The following TSPYL5 variants were observed in gnomAD, a reference collection of about 807,000 sequenced individuals.
TSPYL5 encodes testis-specific Y-encoded-like protein 5.
For synonymous variants in TSPYL5, 276 were observed against 236.1 expected (o/e 1.17, Z -1.55); for missense variants, 556 against 555.5 (o/e 1.00, Z -0.01).
At position 97,277,686 on chromosome 8, in the gene TSPYL5, C is replaced by T. The variant is rs1339215183; in HGVS notation, c.159G>A (p.Val53=). 3.2e-6 allele frequency: 5 copies of T among 1,541,238 alleles called. No homozygotes were observed. The African/African-American group carries it at 5.7e-5, about 18-fold the overall frequency. ...SLGEDTQAAQ[V]QAGAGWGGLE... ...GGCCACCCCACCCCGCGCCAGCCTGCACCTGTGCCGCCTGGGTGTCTTCCC... is the reference window on the plus strand; with the variant it reads ...GGCCACCCCACCCCGCGCCAGCCTGTACCTGTGCCGCCTGGGTGTCTTCCC... Residue 53 remains valine (V), a synonymous_variant, in exon 1 of 1, where the codon GTG becomes GTA. Transcript: ENST00000322128. The surrounding 1 kb of genome is among the most constrained non-coding windows in gnomAD (Gnocchi z 4.5).
Position 97,277,531 on chromosome 8 carries a change from C to T in TSPYL5, c.314G>A (p.Gly105Asp). The change falls in exon 1 of 1, where the codon GGC (glycine) becomes GAC (aspartate). Residue 105 changes from glycine (G) to aspartate (D), a missense_variant. Coordinates refer to ENST00000322128, the MANE Select transcript of TSPYL5 (RefSeq NM_033512.3). This position sits in a 1 kb window ranked among gnomAD's most constrained non-coding sequence, Gnocchi z 4.5. ...GDHGQAAARP[G>D]PGKAASLSER... is the part of the protein sequence containing the mutation. ...CGAGAGAGATGCGGCCTTCCCCGGG[C>T]CGGGCCTGGCCGCGGCCTGCCCGTG... 6.7e-7 allele frequency: 1 copy of T among 1,496,798 alleles called. No individual in the cohort carries two copies. The highest frequency in any genetic ancestry group is 8.9e-7 in the Non-Finnish European group (1 of 1,127,722). 92.7% of individuals were successfully genotyped at this position (1,496,798 alleles called of 1,614,324 possible).
Position 97,277,654 on chromosome 8 carries a change from G to C in TSPYL5, c.191C>G (p.Ala64Gly), listed in dbSNP as rs764681946. Residue 64 changes from alanine (A) to glycine (G), a missense_variant, in exon 1 of 1, where the codon GCC (alanine) becomes GGC (glycine). Ala to Gly is a moderately conservative substitution (Grantham distance 60, BLOSUM62 0). Transcript: ENST00000322128. The surrounding 1 kb of genome is among the most constrained non-coding windows in gnomAD (Gnocchi z 4.5). ...QAGAGWGGLE[A>G]AASAQLLRLG... ...CCGGAGGAGCTGCGCGGACGCAGCG[G>C]CTTCCAGGCCACCCCACCCCGCGCC... The C allele has an allele frequency of 4.1e-6, 6 of 1,471,536 alleles. 1 individual carries two copies. Among genetic ancestry groups the C allele is most frequent in the Middle Eastern group, 3.5e-4 (2 of 5,648 alleles). 91.2% of individuals were successfully genotyped at this position (1,471,536 alleles called of 1,614,324 possible). A position where few individuals can be genotyped will look rare whatever the true frequency, so the allele number is the denominator to read the frequency against.
At position 97,277,791 on chromosome 8, in the gene TSPYL5, T is replaced by A; in HGVS notation, c.54A>T (p.Lys18Asn). 6.7e-7 allele frequency: 1 copy of A among 1,484,902 alleles called. No homozygotes were observed. Among genetic ancestry groups the A allele is most frequent in the South Asian group, 1.4e-5 (1 of 73,956 alleles). 92.0% of individuals were successfully genotyped at this position (1,484,902 alleles called of 1,614,324 possible). A position where few individuals can be genotyped will look rare whatever the true frequency, so the allele number is the denominator to read the frequency against. ...GGCGGACTCGGGCTTTGGCGCGGCC[T>A]TTGCCCCGGTTTTTGGCGCGGGAGG... ...RKSSRAKNRG[K>N]GRAKARVRPA... is the part of the protein sequence containing the mutation. The change falls in exon 1 of 1, where the codon AAA (lysine) becomes AAT (asparagine). Residue 18 changes from lysine to asparagine, a missense_variant. Coordinates refer to ENST00000322128, the MANE Select transcript of TSPYL5 (RefSeq NM_033512.3). The surrounding 1 kb of genome is among the most constrained non-coding windows in gnomAD (Gnocchi z 4.5).
Position 97,277,663 on chromosome 8 carries a change from C to G in TSPYL5, c.182G>C (p.Gly61Ala). ...CTGCGCGGACGCAGCGGCTTCCAGG[C>G]CACCCCACCCCGCGCCAGCCTGCAC... ...AQVQAGAGWG[G>A]LEAAASAQLL... Residue 61 changes from glycine to alanine, a missense_variant, in exon 1 of 1, where the codon GGC becomes GCC. By Grantham distance (60) the Gly-to-Ala change is moderately conservative. Coordinates refer to ENST00000322128, the MANE Select transcript of TSPYL5 (RefSeq NM_033512.3). The surrounding 1 kb of genome is among the most constrained non-coding windows in gnomAD (Gnocchi z 4.5). 1.4e-6 allele frequency: 2 copies of G among 1,475,472 alleles called. No individual in the cohort carries two copies. Among genetic ancestry groups the G allele is most frequent in the Non-Finnish European group, 1.8e-6 (2 of 1,119,322 alleles). 91.4% of individuals were successfully genotyped at this position (1,475,472 alleles called of 1,614,324 possible).
chr8:97,276,918 G>A lies in TSPYL5; in HGVS notation c.927C>T (p.Leu309=). The change falls in exon 1 of 1, where the codon CTC becomes CTT. Residue 309 remains leucine, a synonymous_variant. Coordinates refer to ENST00000322128, the MANE Select transcript of TSPYL5 (RefSeq NM_033512.3). ...DRNPYFQNKV[L]IKEYGCGPSG... The stretch of plus-strand genomic sequence containing the variant: ...AAGGACCACACCCATATTCCTTGAT[G>A]AGCACCTTATTTTGGAAATACGGGT... 1 of 1,614,176 alleles carries A rather than the reference G, an allele frequency of 6.2e-7. No individual in the cohort carries two copies. The highest frequency in any genetic ancestry group is 8.5e-7 in the Non-Finnish European group (1 of 1,180,046).
Position 97,277,181 on chromosome 8 carries a change from C to A in TSPYL5, c.664G>T (p.Ala222Ser). The A allele has an allele frequency of 6.2e-7, 1 of 1,612,182 alleles. No homozygotes were observed. Among genetic ancestry groups the A allele is most frequent in the Non-Finnish European group, 8.5e-7 (1 of 1,180,024 alleles). The stretch of plus-strand genomic sequence containing the variant: ...AACTTCCTGGAGAGCCGAAGGTAGG[C>A]CCTGTCCGCCTGGGCGTTCATGTTC... ...LENMNAQADR[A>S]YLRLSRKFGQ... Residue 222 changes from alanine (A) to serine (S), a missense_variant, in exon 1 of 1, where the codon GCC becomes TCC. Transcript: ENST00000322128. This position sits in a 1 kb window ranked among gnomAD's most constrained non-coding sequence, Gnocchi z 4.5.
rs751684608 is a variant in TSPYL5 at position 97,277,896 on chromosome 8, C to T, written c.-52G>A. 1 of 1,337,446 alleles carries T rather than the reference C, an allele frequency of 7.5e-7. No individual in the cohort carries two copies. The highest frequency in any genetic ancestry group is 9.6e-7 in the Non-Finnish European group (1 of 1,045,576). The allele number at this position is 1,337,446 out of a possible 1,614,324, so 82.8% of individuals were successfully genotyped here. A position where few individuals can be genotyped will look rare whatever the true frequency, so the allele number is the denominator to read the frequency against. On this transcript the variant is annotated 5_prime_UTR_variant, in exon 1 of 1. Transcript: ENST00000322128. This position sits in a 1 kb window ranked among gnomAD's most constrained non-coding sequence, Gnocchi z 4.5. ...CACGCTGTGACCCTGCGGCTCCTGA[C>T]GCCAGCTCTCGGTCGGGACCGAGCG... is the stretch of plus-strand genomic sequence containing the variant.
rs770713299 is a variant in TSPYL5 at position 97,276,254 on chromosome 8, T to C, written c.*337A>G. ...GAGCTTGAGGATGCACTGGTCGTCC[T>C]GGAGGATGACTCATGAGTGTCCATG... On this transcript the variant is annotated 3_prime_UTR_variant, in exon 1 of 1. Coordinates refer to ENST00000322128, the MANE Select transcript of TSPYL5 (RefSeq NM_033512.3). 75 of 251,788 alleles carry C rather than the reference T, an allele frequency of 3.0e-4. No homozygotes were observed. Among genetic ancestry groups the C allele is most frequent in the Admixed American group, 6.4e-4 (13 of 20,254 alleles). The allele number at this position is 251,788 out of a possible 1,614,324, so 15.6% of individuals were successfully genotyped here.
In TSPYL5 at chr8:97,276,294, GA is replaced by G; in HGVS notation, c.*296del. ...GAGTGTCCATGTTAAAGACAAGTAG[GA>G]AAGGCCAGAGCCAAGAACAAGGTCC... On this transcript the variant is annotated 3_prime_UTR_variant, in exon 1 of 1. Transcript: ENST00000322128. 1 of 331,502 alleles carries G rather than the reference GA, an allele frequency of 3.0e-6. No individual in the cohort carries two copies. Among genetic ancestry groups the G allele is most frequent in the Non-Finnish European group, 5.5e-6 (1 of 182,512 alleles). 20.5% of individuals were successfully genotyped at this position (331,502 alleles called of 1,614,324 possible).
Position 97,277,581 on chromosome 8 carries a change from C to A in TSPYL5, c.264G>T (p.Ala88=). 1 of 1,460,978 alleles carries A rather than the reference C, an allele frequency of 6.8e-7. No individual in the cohort carries two copies. Among genetic ancestry groups the A allele is most frequent in the Non-Finnish European group, 9.0e-7 (1 of 1,109,478 alleles). The allele number at this position is 1,460,978 out of a possible 1,614,324, so 90.5% of individuals were successfully genotyped here. A position where few individuals can be genotyped will look rare whatever the true frequency, so the allele number is the denominator to read the frequency against. Reference sequence around the variant, plus strand: ...GGTCCCCCGCAGCTCGGGCCCGCAGCGCGAGGCCACAGTCCAGGGGGAGCC... The same window carrying A: ...GGTCCCCCGCAGCTCGGGCCCGCAGAGCGAGGCCACAGTCCAGGGGGAGCC... The part of the protein sequence containing the change: ...ACRLPLDCGL[A]LRARAAGDHG... Residue 88 remains alanine (A), a synonymous_variant, in exon 1 of 1, where the codon GCG becomes GCT. Transcript: ENST00000322128. This position sits in a 1 kb window ranked among gnomAD's most constrained non-coding sequence, Gnocchi z 4.5.
chr8:97,277,353 A>G lies in TSPYL5; in HGVS notation c.492T>C (p.Ala164=). The change falls in exon 1 of 1, where the codon GCT becomes GCC. Residue 164 remains alanine, a synonymous_variant. Coordinates refer to ENST00000322128, the MANE Select transcript of TSPYL5 (RefSeq NM_033512.3). This position sits in a 1 kb window ranked among gnomAD's most constrained non-coding sequence, Gnocchi z 4.5. ...STAGRGPQVI[A]GGRQKKGAAG... is the part of the protein sequence containing the mutation. ...CCGCCCCTTTCTTCTGCCTCCCACC[A>G]GCTATGACCTGAGGCCCCCTCCCCG... 6.2e-7 allele frequency: 1 copy of G among 1,607,260 alleles called. No homozygotes were observed. The highest frequency in any genetic ancestry group is 8.5e-7 in the Non-Finnish European group (1 of 1,176,276).
rs1810530569 is a variant in TSPYL5 at position 97,276,994 on chromosome 8, T to C, written c.851A>G (p.Glu284Gly). ...GTAGCCCAATCTGGCAAGGCCGAGC[T>C]CTTCCACTTCCAAGCTGTTTAAGTA... ...LSYLNSLEVEELGLARLGYKI... is the reference protein window; with the variant it reads ...LSYLNSLEVEGLGLARLGYKI... The change falls in exon 1 of 1, where the codon GAG becomes GGG. Residue 284 changes from glutamate (E) to glycine (G), a missense_variant. Transcript: ENST00000322128. 6.2e-7 allele frequency: 1 copy of C among 1,614,124 alleles called. No homozygotes were observed. Among genetic ancestry groups the C allele is most frequent in the Non-Finnish European group, 8.5e-7 (1 of 1,180,014 alleles).
Position 97,277,534 on chromosome 8 carries a change from G to T in TSPYL5, c.311C>A (p.Pro104His). 6.7e-7 allele frequency: 1 copy of T among 1,497,050 alleles called. No individual in the cohort carries two copies. Among genetic ancestry groups the T allele is most frequent in the East Asian group, 2.4e-5 (1 of 40,882 alleles). The allele number at this position is 1,497,050 out of a possible 1,614,324, so 92.7% of individuals were successfully genotyped here. ...AGDHGQAAAR[P>H]GPGKAASLSE... is the part of the protein sequence containing the mutation. The stretch of plus-strand genomic sequence containing the variant: ...GAGAGATGCGGCCTTCCCCGGGCCG[G>T]GCCTGGCCGCGGCCTGCCCGTGGTC... Residue 104 changes from proline (P) to histidine (H), a missense_variant, in exon 1 of 1, where the codon CCC (proline) becomes CAC (histidine). Transcript: ENST00000322128. The surrounding 1 kb of genome is among the most constrained non-coding windows in gnomAD (Gnocchi z 4.5).
rs377250604 is a variant in TSPYL5 at position 97,277,509 on chromosome 8, G to A, written c.336C>T (p.Leu112=). 3 of 1,522,222 alleles carry A rather than the reference G, an allele frequency of 2.0e-6. No homozygotes were observed. In the African/African-American group the frequency reaches 4.2e-5, roughly 21 times the overall value. 94.3% of individuals were successfully genotyped at this position (1,522,222 alleles called of 1,614,324 possible). A position where few individuals can be genotyped will look rare whatever the true frequency, so the allele number is the denominator to read the frequency against. The change falls in exon 1 of 1, where the codon CTC becomes CTT. Residue 112 remains leucine, a synonymous_variant. Transcript: ENST00000322128. This position sits in a 1 kb window ranked among gnomAD's most constrained non-coding sequence, Gnocchi z 4.5. ...ARPGPGKAAS[L]SERLAADTVF... Reference sequence around the variant, plus strand: ...CAGTGTCTGCGGCCAGGCGCTCCGAGAGAGATGCGGCCTTCCCCGGGCCGG... The same window carrying A: ...CAGTGTCTGCGGCCAGGCGCTCCGAAAGAGATGCGGCCTTCCCCGGGCCGG...
chr8:97,275,913 C>G lies in TSPYL5; in HGVS notation c.*678G>C, dbSNP rs57852481. ...GTTCACCAGTAGAAGGGCCCAGAAGCAAGAAGAGACACATGATGGTACAGA... is the reference window on the plus strand; with the variant it reads ...GTTCACCAGTAGAAGGGCCCAGAAGGAAGAAGAGACACATGATGGTACAGA... On this transcript the variant is annotated 3_prime_UTR_variant, in exon 1 of 1. Coordinates refer to ENST00000322128, the MANE Select transcript of TSPYL5 (RefSeq NM_033512.3). The G allele has an allele frequency of 0.12, 17,665 of 152,342 alleles. 1,218 individuals are homozygous for G. Among genetic ancestry groups the G allele is most frequent in the Non-Finnish European group, 0.16 (10,737 of 68,080 alleles). The allele number at this position is 152,342 out of a possible 1,614,324, so 9.4% of individuals were successfully genotyped here.
Position 97,276,433 on chromosome 8 carries a change from G to A in TSPYL5, c.*158C>T, listed in dbSNP as rs1810515803. The A allele has an allele frequency of 1.1e-6, 1 of 940,976 alleles. No individual in the cohort carries two copies. Among genetic ancestry groups the A allele is most frequent in the Non-Finnish European group, 1.6e-6 (1 of 616,276 alleles). 58.3% of individuals were successfully genotyped at this position (940,976 alleles called of 1,614,324 possible). On this transcript the variant is annotated 3_prime_UTR_variant, in exon 1 of 1. Coordinates refer to ENST00000322128, the MANE Select transcript of TSPYL5 (RefSeq NM_033512.3). ...CTAACGTAGAAAAGCAAGAGGCTAT[G>A]GGAGGCAAAAGAACATGATCATAAA...
In TSPYL5 at chr8:97,276,550, G is replaced by A. The variant is rs770105807; in HGVS notation, c.*41C>T. 2.5e-6 allele frequency: 4 copies of A among 1,583,528 alleles called. No homozygotes were observed. The South Asian group carries it at 4.7e-5, about 19-fold the overall frequency. ...AGAGAGCCAAATATGTAGTCAACCA[G>A]GAGCAGCCCAGCAGGAGGTAGCAGG... is the stretch of plus-strand genomic sequence containing the variant. On this transcript the variant is annotated 3_prime_UTR_variant, in exon 1 of 1. Transcript: ENST00000322128.
chr8:97,276,736 T>C lies in TSPYL5; in HGVS notation c.1109A>G (p.Asn370Ser). The change falls in exon 1 of 1, where the codon AAC becomes AGC. Residue 370 changes from asparagine to serine, a missense_variant. By Grantham distance (46) the Asn-to-Ser change is conservative. Coordinates refer to ENST00000322128, the MANE Select transcript of TSPYL5 (RefSeq NM_033512.3). ...IESDKIVEII[N>S]EELWPNPLQF... Reference sequence around the variant, plus strand: ...CAAGGGATTGGGCCACAATTCTTCGTTGATTATCTCCACAATCTTGTCAGA... The same window carrying C: ...CAAGGGATTGGGCCACAATTCTTCGCTGATTATCTCCACAATCTTGTCAGA... 1 of 1,614,192 alleles carries C rather than the reference T, an allele frequency of 6.2e-7. No homozygotes were observed. Among genetic ancestry groups the C allele is most frequent in the Non-Finnish European group, 8.5e-7 (1 of 1,180,024 alleles).
chr8:97,277,655 C>A lies in TSPYL5; in HGVS notation c.190G>T (p.Ala64Ser). ...QAGAGWGGLE[A>S]AASAQLLRLG... ...CGGAGGAGCTGCGCGGACGCAGCGG[C>A]TTCCAGGCCACCCCACCCCGCGCCA... Residue 64 changes from alanine (A) to serine (S), a missense_variant, in exon 1 of 1, where the codon GCC (alanine) becomes TCC (serine). Transcript: ENST00000322128. This position sits in a 1 kb window ranked among gnomAD's most constrained non-coding sequence, Gnocchi z 4.5. The A allele has an allele frequency of 6.8e-7, 1 of 1,472,886 alleles. No individual in the cohort carries two copies. The allele number at this position is 1,472,886 out of a possible 1,614,324, so 91.2% of individuals were successfully genotyped here. A position where few individuals can be genotyped will look rare whatever the true frequency, so the allele number is the denominator to read the frequency against.
Sources: gnomAD v4.1 joint callset for allele counts on GRCh38, gnomAD v4.1.1 for gene constraint, Gnocchi (gnomAD v3.1) non-coding constraint, MANE v1.5 for transcripts, NCBI Gene and HGNC (gene_info 2026-07-23, HGNC 2026-07-21) for gene names.